The following IL18RAP variants were observed in gnomAD, a reference collection of about 807,000 sequenced individuals.
IL18RAP encodes the protein interleukin 18 receptor accessory protein.
IL18RAP carries 37 observed loss-of-function variants against 58.1 expected under a neutral mutation model. The observed-to-expected ratio is 0.64, with a 90% CI of 0.49 to 0.84. The LOEUF (loss-of-function observed/expected upper bound fraction) is 0.84. Ranked by LOEUF, IL18RAP falls within the 40% of genes least tolerant of loss-of-function variation. IL18RAP has a pLI of 0.00. For missense variants in IL18RAP, 667 were observed against 704.8 expected, an observed-to-expected ratio of 0.95 and a Z score of 0.61; for synonymous variants, 268 against 257.5, an observed-to-expected ratio of 1.04 and a Z score of -0.39.
intron 7 of IL18RAP, 67 bp from the exon 8 acceptor site, chr2:102,447,003 G>A (rs1683462555): frequency 1.3e-6 from 2 of 1,533,044 alleles, no homozygotes; most frequent in Admixed American, 3.6e-5. Context: ...CATAGCGCCG[G>A]CCTGAACATG....
chr2:102,427,980 CTTTTTTTT>C (rs60743144), intron 3 of IL18RAP, among the ~76,000 whole-genome samples: 1 of 141,614 alleles, frequency 7.1e-6, no homozygotes, highest in East Asian at 2.0e-4. Context: ...TTCTTGGCAT[CTTTTTTTT>C]TTTTTTTAAT....
chr2:102,431,180 G>A (rs1041011122), intron 3 of IL18RAP, among the ~76,000 whole-genome samples: 1 of 152,124 alleles, frequency 6.6e-6, no homozygotes, highest in Non-Finnish European at 1.5e-5. Flanking sequence ...CATTTCTGAA[G>A]GACAGCTTTG....
At chr2:102,429,157 T>G (rs1216127011) in intron 3 of IL18RAP, among the ~76,000 whole-genome samples, 1 of 151,978 alleles carries the variant, frequency 6.6e-6, no homozygotes, top group Non-Finnish European at 1.5e-5. Context: ...GCCTACAATT[T>G]TCTTGTACTG....
chr2:102,429,220 G>C (rs1368607169), intron 3 of IL18RAP, among the ~76,000 whole-genome samples: 2 of 151,796 alleles, frequency 1.3e-5, no homozygotes, highest in African/African-American at 2.4e-5. Flanking sequence ...AATTAGCTTG[G>C]AAGTTTTATT....
chr2:102,428,389 T>TTA (rs944068377), intron 3 of IL18RAP, among the ~76,000 whole-genome samples: 1 of 151,346 alleles, frequency 6.6e-6, no homozygotes, highest in Non-Finnish European at 1.5e-5. Context: ...GTTTTTTTTT[T>TTA]TTTATAATTT....
Position 102,443,429 on chromosome 2 carries a change from C to T in IL18RAP, c.920+106C>T, listed in dbSNP as rs1361315075. 2.5e-5 allele frequency: 32 copies of T among 1,297,692 alleles called. No homozygotes were observed. The East Asian group carries it at 8.0e-4, about 32-fold the overall frequency. The allele number at this position is 1,297,692 out of a possible 1,614,324, so 80.4% of individuals were successfully genotyped here. ...TTGATGGTGTAGCCACCAGCACCGA[C>T]TAGTGGTGAAAATAAAAGCACAAAA... On this transcript the variant is annotated intron_variant, in intron 6 of 9. Coordinates refer to ENST00000687160, the MANE Select transcript of IL18RAP (RefSeq NM_001393487.1).
At position 102,424,053 on chromosome 2, in the gene IL18RAP, A is replaced by T; in HGVS notation, c.313A>T (p.Ile105Phe). Residue 105 changes from isoleucine to phenylalanine, a missense_variant, in exon 2 of 10, where the codon ATT becomes TTT. Ile to Phe is a conservative substitution (Grantham distance 21, BLOSUM62 0). Coordinates refer to ENST00000687160, the MANE Select transcript of IL18RAP (RefSeq NM_001393487.1). ...CATTAGGAAAAGCTATCCTCACATC[A>T]TTCAGGACAAATGTACCCTTCACTT... The part of the protein sequence containing the change: ...EDIRKSYPHI[I>F]QDKCTLHFLT... 6.2e-7 allele frequency: 1 copy of T among 1,614,092 alleles called. No individual in the cohort carries two copies. The highest frequency in any genetic ancestry group is 8.5e-7 in the Non-Finnish European group (1 of 1,179,986).
Position 102,444,432 on chromosome 2 carries a change from C to A in IL18RAP, c.921-757C>A, listed in dbSNP as rs1418088410. 2.0e-5 allele frequency among the ~76,000 whole-genome samples: 3 copies of A among 152,290 alleles called. No homozygotes were observed. In the East Asian group the frequency reaches 5.8e-4, roughly 29 times the overall value. On this transcript the variant is annotated intron_variant, in intron 6 of 9. Transcript: ENST00000687160. Reference sequence around the variant, plus strand: ...TTGATAATCTATGGATAATAGCCTGCACTTTGCAAGCTCACTGGGAGGCGT... The same window carrying A: ...TTGATAATCTATGGATAATAGCCTGAACTTTGCAAGCTCACTGGGAGGCGT...
intron 3 of IL18RAP, among the ~76,000 whole-genome samples, chr2:102,433,172 C>A (rs750154237): frequency 1.3e-5 from 2 of 152,182 alleles, no homozygotes; most frequent in Non-Finnish European, 2.9e-5. Context: ...TCTTGCCACA[C>A]TTCTGACATG....
At chr2:102,439,906 T>A (rs2104355350) in intron 4 of IL18RAP, 1 of 152,318 alleles carries the variant, frequency 6.6e-6, no homozygotes, top group African/African-American at 2.4e-5. Flanking sequence ...GCCAAAGAGC[T>A]GAATGAGATC....
At position 102,440,582 on chromosome 2, in the gene IL18RAP, A is replaced by T. The variant is rs902280128; in HGVS notation, c.731-730A>T. On this transcript the variant is annotated intron_variant, in intron 4 of 9. Transcript: ENST00000687160. The stretch of plus-strand genomic sequence containing the variant: ...GTGTTTTCTCTTTTTTAGGATGATG[A>T]GACTGAGCATGAATAAATGTTGATG... 4 of 152,182 alleles carry T rather than the reference A, an allele frequency of 2.6e-5. No individual in the cohort carries two copies. The East Asian group carries it at 5.8e-4, about 22-fold the overall frequency. 9.4% of individuals were successfully genotyped at this position (152,182 alleles called of 1,614,324 possible).
chr2:102,443,414 A>G (rs1404173478), intron 6 of IL18RAP, 91 bp downstream of exon 6: 2 of 1,417,972 alleles, frequency 1.4e-6, no homozygotes, highest in Non-Finnish European at 1.9e-6. Context: ...TTGATGGTGT[A>G]GCCACCAGCA....
chr2:102,450,606 C>A (rs1374406209), intron 8 of IL18RAP, among the ~76,000 whole-genome samples: 1 of 152,076 alleles, frequency 6.6e-6, no homozygotes, highest in Non-Finnish European at 1.5e-5. Flanking sequence ...AATGCCTCAG[C>A]CATTTGACCT....
intron 6 of IL18RAP, among the ~76,000 whole-genome samples, chr2:102,443,783 G>C (rs182982333): frequency 3.3e-5 from 5 of 152,292 alleles, no homozygotes; most frequent in Non-Finnish European, 7.4e-5. Flanking sequence ...AGGAATACCT[G>C]AAGCAACTTA....
chr2:102,427,952 T>C (rs1008359582), intron 3 of IL18RAP, among the ~76,000 whole-genome samples: 8 of 151,340 alleles, frequency 5.3e-5, no homozygotes, highest in Non-Finnish European at 8.9e-5. Flanking sequence ...GGAGAGATAA[T>C]CCTTTCCCCA....
chr2:102,422,704 A>G (rs1681650127), upstream of IL18RAP, among the ~76,000 whole-genome samples: 1 of 152,162 alleles, frequency 6.6e-6, no homozygotes, highest in African/African-American at 2.4e-5. Flanking sequence ...TCCCTCTTGC[A>G]TGTGGGGCAG....
intron 7 of IL18RAP, among the ~76,000 whole-genome samples, chr2:102,445,736 C>G (rs1683374351): frequency 6.6e-6 from 1 of 151,648 alleles, no homozygotes; most frequent in Admixed American, 6.6e-5. Flanking sequence ...ATGATGGATT[C>G]ATGTTCTGAT....
At position 102,434,704 on chromosome 2, in the gene IL18RAP, A is replaced by G. The variant is rs769314283; in HGVS notation, c.580-2508A>G. ...CCTATATCTGATCATTCAGCTCACAATGTACCTTTGGTTTAACAGAGAGAT... is the reference window on the plus strand; with the variant it reads ...CCTATATCTGATCATTCAGCTCACAGTGTACCTTTGGTTTAACAGAGAGAT... On this transcript the variant is annotated intron_variant, in intron 3 of 9. Transcript: ENST00000687160. 4.6e-5 allele frequency: 7 copies of G among 152,168 alleles called. No homozygotes were observed. The South Asian group carries it at 1.4e-3, about 32-fold the overall frequency. The allele number at this position is 152,168 out of a possible 1,614,324, so 9.4% of individuals were successfully genotyped here. A position where few individuals can be genotyped will look rare whatever the true frequency, so the allele number is the denominator to read the frequency against.
intron 5 of IL18RAP, 30 bp from the exon 6 acceptor site, chr2:102,443,170 T>C: frequency 6.3e-7 from 1 of 1,594,348 alleles, no homozygotes. Flanking sequence ...CCAGCTTCCT[T>C]CTTGTTTTCT....
Sources: allele counts gnomAD v4.1 joint callset (sites outside exome capture counted in the v4.1 genomes callset), GRCh38; gene constraint gnomAD v4.1.1; transcripts MANE v1.5; gene names NCBI Gene and HGNC (gene_info 2026-07-23, HGNC 2026-07-21).